SNX24: variants seen among roughly 807,000 people sequenced by gnomAD.
SNX24 encodes sorting nexin-24.
In SNX24, 22 loss-of-function variants were observed where a neutral mutation model predicts 28.7. The observed-to-expected ratio is 0.77, with a 90% CI of 0.55 to 1.10. The LOEUF is 1.10. SNX24 is among the 50% of genes least tolerant of loss of function. The pLI is 0.00. For missense variants in SNX24, 221 were observed against 201.1 expected (o/e 1.10, Z -0.60); for synonymous variants, 69 against 71.5 (o/e 0.96, Z 0.18).
chr5:122,885,820 A>G (rs1381739375), intron 1 of SNX24, among the ~76,000 whole-genome samples: 1 of 152,182 alleles, frequency 6.6e-6, no homozygotes, highest in East Asian at 1.9e-4. Context: ...GTCCCCAACC[A>G]TGGACAGGTG....
chr5:123,019,213 A>T (rs982927), intron 5 of SNX24, among the ~76,000 whole-genome samples: 124,256 of 151,606 alleles, frequency 0.82, 51,431 homozygotes, highest in Non-Finnish European at 0.86. Context: ...ATTACAGACT[A>T]AAGTAAAAGC....
intron 1 of SNX24, among the ~76,000 whole-genome samples, chr5:122,877,705 A>T (rs114553515): frequency 2.4e-3 from 359 of 152,076 alleles, no homozygotes; most frequent in African/African-American, 8.2e-3. Flanking sequence ...CCCATCCCCT[A>T]CCCGAAGTTG....
chr5:123,004,717 T>A (rs1232781884), intron 6 of SNX24, among the ~76,000 whole-genome samples: 1 of 152,166 alleles, frequency 6.6e-6, no homozygotes, highest in Admixed American at 6.5e-5. Flanking sequence ...CTAGCCACCC[T>A]GGAATTCTTT....
At chr5:122,888,455 A>C (rs1470557416) in intron 1 of SNX24, among the ~76,000 whole-genome samples, 1 of 152,134 alleles carries the variant, frequency 6.6e-6, no homozygotes, top group Non-Finnish European at 1.5e-5. Flanking sequence ...CACCTATCAA[A>C]TGAGGATAAT....
intron 1 of SNX24, among the ~76,000 whole-genome samples, chr5:122,887,193 G>A (rs1756755515): frequency 6.6e-6 from 1 of 152,154 alleles, no homozygotes; most frequent in Non-Finnish European, 1.5e-5. Context: ...TGGGTGGAGA[G>A]TTTAGCTCCA....
chr5:122,990,322 G>A (rs1043239930), intron 3 of SNX24, among the ~76,000 whole-genome samples: 1 of 152,056 alleles, frequency 6.6e-6, no homozygotes. Context: ...TGTTATAACC[G>A]AACAAATATA....
At chr5:122,915,035 C>G (rs550466280) in intron 1 of SNX24, among the ~76,000 whole-genome samples, 1 of 152,132 alleles carries the variant, frequency 6.6e-6, no homozygotes, top group East Asian at 1.9e-4. Context: ...ATGTCTGGGA[C>G]CAGAAATGTT....
chr5:122,938,518 T>C (rs1759282206), intron 2 of SNX24, among the ~76,000 whole-genome samples: 1 of 152,170 alleles, frequency 6.6e-6, no homozygotes, highest in South Asian at 2.1e-4. Context: ...AAAAATAGCT[T>C]TGTGGAGCAG....
At chr5:122,984,011 GT>G (rs1202778622) in intron 3 of SNX24, among the ~76,000 whole-genome samples, 1 of 152,100 alleles carries the variant, frequency 6.6e-6, no homozygotes, top group African/African-American at 2.4e-5. Context: ...CAGCATCAAT[GT>G]TTTTTTCCAG....
In SNX24 at chr5:122,969,329, A is replaced by G. The variant is rs185878965; in HGVS notation, c.249+23170A>G. Among the ~76,000 whole-genome samples the G allele has an allele frequency of 6.5e-4, 99 of 152,290 alleles. No individual in the cohort carries two copies. The Middle Eastern group carries it at 0.02, about 31-fold the overall frequency. On this transcript the variant is annotated intron_variant, in intron 3 of 6. Transcript: ENST00000261369. ...CATAGCTGAAACCAGAGTGAATTCT[A>G]GTTGTGGCAATGGAGTTAAGGTCTT...
At chr5:122,952,335 T>C (rs1334397517) in intron 3 of SNX24, among the ~76,000 whole-genome samples, 1 of 152,210 alleles carries the variant, frequency 6.6e-6, no homozygotes, top group Non-Finnish European at 1.5e-5. Context: ...AAAAGAATTT[T>C]CTTTTAAAAA....
intron 1 of SNX24, among the ~76,000 whole-genome samples, chr5:122,877,380 A>G (rs1756273008): frequency 6.6e-6 from 1 of 152,152 alleles, no homozygotes; most frequent in African/African-American, 2.4e-5. Context: ...TTACCTTGGT[A>G]TGCAGAATGT....
chr5:122,991,959 A>G (rs895423294), intron 3 of SNX24, among the ~76,000 whole-genome samples: 1 of 152,234 alleles, frequency 6.6e-6, no homozygotes, highest in Non-Finnish European at 1.5e-5. Context: ...TTAAGTTTAT[A>G]AATATAATAG....
At chr5:122,897,811 A>G (rs1405883203) in intron 1 of SNX24, among the ~76,000 whole-genome samples, 1 of 152,194 alleles carries the variant, frequency 6.6e-6, no homozygotes, top group African/African-American at 2.4e-5. Context: ...TCAAGTTTAC[A>G]GTAATATTAG....
intron 5 of SNX24, among the ~76,000 whole-genome samples, chr5:123,016,639 A>G (rs189975335): frequency 8.5e-5 from 13 of 152,284 alleles, no homozygotes; most frequent in Non-Finnish European, 1.2e-4. Context: ...GTAGGGTGGC[A>G]GCAGTGGAGA....
At chr5:122,968,842 A>G (rs1163950859) in intron 3 of SNX24, among the ~76,000 whole-genome samples, 3 of 151,958 alleles carry the variant, frequency 2.0e-5, no homozygotes, top group Non-Finnish European at 4.4e-5. Context: ...TTATTACTTC[A>G]TCTTCATATT....
intron 3 of SNX24, among the ~76,000 whole-genome samples, chr5:122,994,457 T>G (rs1761980459): frequency 6.6e-6 from 1 of 152,246 alleles, no homozygotes; most frequent in African/African-American, 2.4e-5. Context: ...TGACTACATT[T>G]TACTTACTGA....
At chr5:122,863,695 A>C (rs956261985) in intron 1 of SNX24, among the ~76,000 whole-genome samples, 1 of 152,120 alleles carries the variant, frequency 6.6e-6, no homozygotes, top group East Asian at 1.9e-4. Flanking sequence ...AGCTAGGACC[A>C]TGGACGCATG....
chr5:122,938,297 T>C (rs1759269775), intron 2 of SNX24, among the ~76,000 whole-genome samples: 1 of 152,180 alleles, frequency 6.6e-6, no homozygotes, highest in African/African-American at 2.4e-5. Context: ...GGACAGTTCT[T>C]AGCTATTCAT....
Sources: allele counts gnomAD v4.1 joint callset (sites outside exome capture counted in the v4.1 genomes callset), GRCh38; gene constraint gnomAD v4.1.1; transcripts MANE v1.5; gene names NCBI Gene and HGNC (gene_info 2026-07-23, HGNC 2026-07-21).